The following AKT1S1 variants were observed in gnomAD, a reference collection of about 807,000 sequenced individuals.
AKT1S1 encodes the protein proline-rich AKT1 substrate 1.
AKT1S1 carries 17 observed loss-of-function variants against 21.2 expected under a neutral mutation model. That is an observed-to-expected ratio of 0.80 (90% CI 0.55 to 1.20). The LOEUF is 1.20. AKT1S1 is among the 50% of genes most tolerant of loss of function. The pLI is 0.00. For synonymous variants in AKT1S1, 181 were observed against 165.6 expected, an observed-to-expected ratio of 1.09 and a Z score of -0.72; for missense variants, 366 against 368.3, an observed-to-expected ratio of 0.99 and a Z score of 0.05.
At chr19:49,874,091 A>C (rs2074915742) in intron 1 of AKT1S1, 1 of 152,468 alleles carries the variant, frequency 6.6e-6, no homozygotes. Context: ...GGCCTTCCAG[A>C]GCCTCTGAGG....
rs2074860280 is a variant in AKT1S1, at chr19:49,869,713, G to A, written c.*204C>T. 3.8e-6 allele frequency: 2 copies of A among 523,868 alleles called. No homozygotes were observed. The highest frequency in any genetic ancestry group is 4.0e-5 in the African/African-American group (2 of 50,058). 32.5% of individuals were successfully genotyped at this position (523,868 alleles called of 1,614,324 possible). ...GGAGAGAGACGACAGACCCAATCGG[G>A]AAACGGGACAGATGCCGCTCCTCGG... On this transcript the variant is annotated 3_prime_UTR_variant, in exon 5 of 5. Transcript: ENST00000344175.
At chr19:49,878,155 A>G (rs2074975824), upstream of AKT1S1, 2 of 1,578,052 alleles carry the variant, frequency 1.3e-6, no homozygotes, top group African/African-American at 2.7e-5. Flanking sequence ...GGTGTTTGAG[A>G]AGGGCGGAGT....
intron 2 of AKT1S1, among the ~76,000 whole-genome samples, chr19:49,872,538 C>T (rs912006400): frequency 6.6e-6 from 1 of 152,206 alleles, no homozygotes; most frequent in Non-Finnish European, 1.5e-5. Context: ...AACTCTTTAA[C>T]TCCTGCTTGG....
chr19:49,869,869 T>G lies in AKT1S1; in HGVS notation c.*48A>C. 1.4e-6 allele frequency: 2 copies of G among 1,408,232 alleles called. No individual in the cohort carries two copies. Among genetic ancestry groups the G allele is most frequent in the Non-Finnish European group, 1.9e-6 (2 of 1,064,028 alleles). The allele number at this position is 1,408,232 out of a possible 1,614,324, so 87.2% of individuals were successfully genotyped here. A position where few individuals can be genotyped will look rare whatever the true frequency, so the allele number is the denominator to read the frequency against. ...AGGCCCCGGGAGTGGGGCGGGGGCG[T>G]AGTGTGGGACGGGGCGGACGCGGCC... is the stretch of plus-strand genomic sequence containing the variant. On this transcript the variant is annotated 3_prime_UTR_variant, in exon 5 of 5. Coordinates refer to ENST00000344175, the MANE Select transcript of AKT1S1 (RefSeq NM_001098633.4).
At chr19:49,876,877 C>T (rs2074953828) in intron 1 of AKT1S1, 4 of 461,198 alleles carry the variant, frequency 8.7e-6, no homozygotes, top group Non-Finnish European at 1.5e-5. Context: ...CAATCATGAC[C>T]ACAGTAAACG....
Position 49,873,056 on chromosome 19 carries a change from G to A in AKT1S1, c.240C>T (p.Pro80=). ...GACTGGGTGGCTGTGGTGCTGGTGGGGGCGCAGGAGGCCGAGCAGCAGTGG... is the reference window on the plus strand; with the variant it reads ...GACTGGGTGGCTGTGGTGCTGGTGGAGGCGCAGGAGGCCGAGCAGCAGTGG... ...RAATAARPPA[P]PPAPQPPSPT... The change falls in exon 2 of 5, where the codon CCC becomes CCT. Residue 80 remains proline (P), a synonymous_variant. Transcript: ENST00000344175. The surrounding 1 kb of genome is among the most constrained non-coding windows in gnomAD (Gnocchi z 6.9). 6.4e-7 allele frequency: 1 copy of A among 1,556,890 alleles called. No homozygotes were observed. The highest frequency in any genetic ancestry group is 1.2e-5 in the South Asian group (1 of 84,592).
At chr19:49,874,239 C>T (rs1468183895) in intron 1 of AKT1S1, 1 of 152,366 alleles carries the variant, frequency 6.6e-6, no homozygotes, top group Non-Finnish European at 1.5e-5. Flanking sequence ...GGGGGTCCCA[C>T]ACTGTCTGAG....
At chr19:49,876,784 G>T in intron 1 of AKT1S1, 2 of 1,134,778 alleles carry the variant, frequency 1.8e-6, no homozygotes, top group Non-Finnish European at 1.2e-6. Flanking sequence ...TGACAAGGGT[G>T]ACGACAGCTT....
At chr19:49,877,001 A>T (rs991202595) in intron 1 of AKT1S1, 7 of 283,516 alleles carry the variant, frequency 2.5e-5, no homozygotes, top group Middle Eastern at 9.6e-4. Context: ...CCCATAGTGT[A>T]TATTGGCTCT....
chr19:49,873,450 C>T lies in AKT1S1; in HGVS notation c.-7-148G>A, dbSNP rs1333333119. 4.5e-6 allele frequency: 6 copies of T among 1,321,340 alleles called. No homozygotes were observed. The highest frequency in any genetic ancestry group is 4.9e-6 in the Non-Finnish European group (5 of 1,029,992). 81.9% of individuals were successfully genotyped at this position (1,321,340 alleles called of 1,614,324 possible). ...GTGCTGTGTGTCCTCCCCAAACCTGCTACTCCCCAGGATTCTCACCATCCA... is the reference window on the plus strand; with the variant it reads ...GTGCTGTGTGTCCTCCCCAAACCTGTTACTCCCCAGGATTCTCACCATCCA... On this transcript the variant is annotated intron_variant, in intron 1 of 4. Coordinates refer to ENST00000344175, the MANE Select transcript of AKT1S1 (RefSeq NM_001098633.4). This position sits in a 1 kb window ranked among gnomAD's most constrained non-coding sequence, Gnocchi z 6.9.
At chr19:49,877,575 T>C (rs2074964540), upstream of AKT1S1, 1 of 755,600 alleles carries the variant, frequency 1.3e-6, no homozygotes, top group Non-Finnish European at 2.1e-6. Flanking sequence ...AATAACCCCC[T>C]TCTGAAAAAT....
At position 49,872,909 on chromosome 19, in the gene AKT1S1, C is replaced by T. The variant is rs776365361; in HGVS notation, c.379+8G>A. The stretch of plus-strand genomic sequence containing the variant: ...GGGCCGCACCCGCCCCTGCCCCCAC[C>T]CTCTCACCTCCATTATCACTAATGC... On this transcript the variant is annotated splice_region_variant and intron_variant, in intron 2 of 4. Coordinates refer to ENST00000344175, the MANE Select transcript of AKT1S1 (RefSeq NM_001098633.4). 6.3e-6 allele frequency: 10 copies of T among 1,596,060 alleles called. No homozygotes were observed. Among genetic ancestry groups the T allele is most frequent in the Non-Finnish European group, 8.5e-6 (10 of 1,177,630 alleles).
rs2074909881 is a variant in AKT1S1 at position 49,873,556 on chromosome 19, T to C, written c.-7-254A>G. ...CCCAAGTCACTGTACTCCTTCCCCT[T>C]TGGCCCTGCCCTGGCCTCTGTGGGA... On this transcript the variant is annotated intron_variant, in intron 1 of 4. Coordinates refer to ENST00000344175, the MANE Select transcript of AKT1S1 (RefSeq NM_001098633.4). This position sits in a 1 kb window ranked among gnomAD's most constrained non-coding sequence, Gnocchi z 6.9. 1 of 606,996 alleles carries C rather than the reference T, an allele frequency of 1.6e-6. No homozygotes were observed. The highest frequency in any genetic ancestry group is 4.3e-5 in the Admixed American group (1 of 23,078). 37.6% of individuals were successfully genotyped at this position (606,996 alleles called of 1,614,324 possible).
At chr19:49,872,846 C>T in intron 2 of AKT1S1, 71 bp downstream of exon 2, 2 of 1,509,226 alleles carry the variant, frequency 1.3e-6, no homozygotes, top group East Asian at 2.4e-5. Flanking sequence ...AAGCAGGCCC[C>T]CACCCCGACA....
chr19:49,876,938 G>A, intron 1 of AKT1S1: 1 of 387,288 alleles, frequency 2.6e-6, no homozygotes, highest in East Asian at 3.8e-5. Flanking sequence ...TTCGACAAAA[G>A]TAGAGGAAAT....
intron 4 of AKT1S1, among the ~76,000 whole-genome samples, chr19:49,870,550 T>C (rs2122364422): frequency 6.6e-6 from 1 of 152,320 alleles, no homozygotes; most frequent in Non-Finnish European, 1.5e-5. Context: ...TGCCTTATCA[T>C]GTGGCCACTG....
rs866830970 is a variant in AKT1S1, at chr19:49,876,649, A to G, written c.-8+588T>C. 11 of 1,505,076 alleles carry G rather than the reference A, an allele frequency of 7.3e-6. No homozygotes were observed. In the African/African-American group the frequency reaches 1.3e-4, roughly 17 times the overall value. The allele number at this position is 1,505,076 out of a possible 1,614,324, so 93.2% of individuals were successfully genotyped here. A position where few individuals can be genotyped will look rare whatever the true frequency, so the allele number is the denominator to read the frequency against. ...GGCCCGGCGCCGTCACCGCCCTCAAAAGACATGGCGGCGCCTTGCGTCACG... is the reference window on the plus strand; with the variant it reads ...GGCCCGGCGCCGTCACCGCCCTCAAGAGACATGGCGGCGCCTTGCGTCACG... On this transcript the variant is annotated intron_variant, in intron 1 of 4. Transcript: ENST00000344175.
At chr19:49,876,823 G>T in intron 1 of AKT1S1, 1 of 690,462 alleles carries the variant, frequency 1.4e-6, no homozygotes, top group Non-Finnish European at 2.2e-6. Context: ...CCCGCCTAGA[G>T]CATTTCCATT....
At chr19:49,876,242 C>G (rs995305619) in intron 1 of AKT1S1, 4 of 1,094,480 alleles carry the variant, frequency 3.7e-6, no homozygotes, top group African/African-American at 1.6e-5. Flanking sequence ...AGGAAGAAAA[C>G]AGGAAATCCC....
Sources: allele counts gnomAD v4.1 joint callset (sites outside exome capture counted in the v4.1 genomes callset), GRCh38; gene constraint gnomAD v4.1.1; non-coding constraint Gnocchi (gnomAD v3.1); transcripts MANE v1.5; gene names NCBI Gene and HGNC (gene_info 2026-07-23, HGNC 2026-07-21).